LILRB1: variants seen among roughly 807,000 people sequenced by gnomAD.
LILRB1 encodes the protein leukocyte immunoglobulin-like receptor subfamily B member 1.
LILRB1 carries 59 observed loss-of-function variants against 74.6 expected under a neutral mutation model. That is an observed-to-expected ratio of 0.79 (90% CI 0.64 to 0.98). The LOEUF is 0.98. Among genes scored for constraint, LILRB1 ranks in the 50% least tolerant of loss-of-function variants. The pLI is 0.00. For synonymous variants in LILRB1, 328 were observed against 333.9 expected (o/e 0.98, Z 0.19); for missense variants, 804 against 822.6 (o/e 0.98, Z 0.28).
chr19:54,633,930 A>T, intron 8 of LILRB1, 41 bp from the exon 9 acceptor site: 1 of 1,564,464 alleles, frequency 6.4e-7, no homozygotes. Context: ...TGATGTGGGG[A>T]GCAGGGCAGC....
intron 1 of LILRB1, among the ~76,000 whole-genome samples, chr19:54,624,723 T>C (rs2555694): frequency 2.4e-3 from 366 of 152,236 alleles, no homozygotes; most frequent in Non-Finnish European, 3.4e-3. Context: ...GACTGGGTTT[T>C]GGCTGCTCCG....
At chr19:54,636,349 C>A (rs894927236) in intron 13 of LILRB1, 145 bp from the exon 14 acceptor site, 4 of 1,443,832 alleles carry the variant, frequency 2.8e-6, no homozygotes, top group Non-Finnish European at 2.8e-6. Flanking sequence ...AGCGAGGGAG[C>A]GGCCAGACCC....
At chr19:54,626,918 G>A (rs7257443), upstream of LILRB1, among the ~76,000 whole-genome samples, 1,134 of 152,318 alleles carry the variant, frequency 7.4e-3, 21 homozygotes, top group African/African-American at 0.025. Context: ...TCACACTCAC[G>A]TGCTAGAGAT....
intron 7 of LILRB1, 149 bp downstream of exon 7, chr19:54,633,467 G>A: frequency 7.9e-7 from 1 of 1,258,240 alleles, no homozygotes; most frequent in Non-Finnish European, 1.1e-6. Flanking sequence ...AGGAGAACAG[G>A]GCCCTCCCAG....
chr19:54,616,491 C>G (rs1050125837), upstream of LILRB1, among the ~76,000 whole-genome samples: 9 of 152,144 alleles, frequency 5.9e-5, no homozygotes, highest in Non-Finnish European at 1.2e-4. Flanking sequence ...CAACCTGGAG[C>G]TAAGGTACCA....
chr19:54,620,685 C>A (rs2063432748), intron 1 of LILRB1, among the ~76,000 whole-genome samples: 1 of 152,096 alleles, frequency 6.6e-6, no homozygotes, highest in Non-Finnish European at 1.5e-5. Flanking sequence ...ACACCAAGTG[C>A]AGCATCCCAG....
At position 54,637,603 on chromosome 19, in the gene LILRB1, C is replaced by T. The variant is rs934700190; in HGVS notation, c.*725C>T. The T allele has an allele frequency of 6.1e-5, 9 of 146,886 alleles. No individual in the cohort carries two copies. The highest frequency in any genetic ancestry group is 2.7e-4 in the Admixed American group (4 of 14,802). 9.1% of individuals were successfully genotyped at this position (146,886 alleles called of 1,614,324 possible). On this transcript the variant is annotated 3_prime_UTR_variant, in exon 15 of 15. Coordinates refer to ENST00000324602, the MANE Select transcript of LILRB1 (RefSeq NM_001081637.3). ...AATAACAAGTTATTCCAAATGAAGG[C>T]GTAAGAAAGGGAATAATAACAATAA...
upstream of LILRB1, among the ~76,000 whole-genome samples, chr19:54,629,378 C>T (rs1228949706): frequency 1.3e-5 from 2 of 152,034 alleles, no homozygotes; most frequent in Non-Finnish European, 2.9e-5. Flanking sequence ...GTTAAAGCTT[C>T]GGGTAGAACA....
Position 54,631,276 on chromosome 19 carries a change from A to C in LILRB1, c.40A>C (p.Ser14Arg), listed in dbSNP as rs768738272. 6.2e-7 allele frequency: 1 copy of C among 1,613,492 alleles called. No individual in the cohort carries two copies. Among genetic ancestry groups the C allele is most frequent in the Non-Finnish European group, 8.5e-7 (1 of 1,179,918 alleles). ...ILTVLICLGLSLGPRTHVQAG... is the reference protein window; with the variant it reads ...ILTVLICLGLRLGPRTHVQAG... ...CACCGGGAACTCTCTTCCAGGGCTG[A>C]GTCTGGGCCCCCGGACCCACGTGCA... Residue 14 changes from serine to arginine, a missense_variant, in exon 3 of 15, where the codon AGT becomes CGT. By Grantham distance (110) the Ser-to-Arg change is moderately radical (BLOSUM62 -1). Transcript: ENST00000324602.
At chr19:54,627,269 A>C (rs921702297), upstream of LILRB1, among the ~76,000 whole-genome samples, 7 of 152,198 alleles carry the variant, frequency 4.6e-5, no homozygotes, top group African/African-American at 1.7e-4. Flanking sequence ...TTTGCTAAAG[A>C]GGTAGAAACA....
upstream of LILRB1, among the ~76,000 whole-genome samples, chr19:54,629,542 T>C (rs977927433): frequency 6.6e-6 from 1 of 152,182 alleles, no homozygotes; most frequent in Non-Finnish European, 1.5e-5. Context: ...GTTTAGTGCT[T>C]CTTTCTTTGG....
chr19:54,631,384 G>A (rs1480351801), intron 3 of LILRB1, 78 bp downstream of exon 3: 3 of 1,613,276 alleles, frequency 1.9e-6, no homozygotes, highest in African/African-American at 2.7e-5. Flanking sequence ...CTGGGGATGG[G>A]GAATAGCAGT....
intron 1 of LILRB1, among the ~76,000 whole-genome samples, chr19:54,620,437 C>A (rs747417653): frequency 6.6e-6 from 1 of 152,006 alleles, no homozygotes; most frequent in Non-Finnish European, 1.5e-5. Context: ...CGGCTCACTG[C>A]AAGCTCTGCC....
chr19:54,635,592 G>A lies in LILRB1; in HGVS notation c.1636G>A (p.Val546Met). 6.2e-7 allele frequency: 1 copy of A among 1,614,034 alleles called. No homozygotes were observed. Among genetic ancestry groups the A allele is most frequent in the Non-Finnish European group, 8.5e-7 (1 of 1,179,980 alleles). Residue 546 changes from valine (V) to methionine (M), a missense_variant, in exon 13 of 15, where the codon GTG becomes ATG. Transcript: ENST00000324602. ...GAAGCACACACAGCCTGAGGATGGG[G>A]TGGAGATGGACACTCGGGTGAGACC... ...AVKHTQPEDGVEMDTRQSPHD... is the reference protein window; with the variant it reads ...AVKHTQPEDGMEMDTRQSPHD...
chr19:54,628,039 C>T (rs183859268), upstream of LILRB1, among the ~76,000 whole-genome samples: 4 of 152,318 alleles, frequency 2.6e-5, no homozygotes, highest in African/African-American at 9.6e-5. Context: ...GACACGTCCA[C>T]CCTACTGCTC....
At position 54,636,933 on chromosome 19, in the gene LILRB1, G is replaced by GC. The variant is rs1409286387; in HGVS notation, c.*62dup. On this transcript the variant is annotated 3_prime_UTR_variant, in exon 15 of 15. Transcript: ENST00000324602. ...ATGGAGTCTGGAATGCATGGGAGCT[G>GC]CCCCCCCAGTGGACACCATTGGACC... 1.4e-5 allele frequency: 22 copies of GC among 1,607,200 alleles called. No individual in the cohort carries two copies. The highest frequency in any genetic ancestry group is 3.3e-5 in the South Asian group (3 of 90,046).
chr19:54,636,640 G>C lies in LILRB1; in HGVS notation c.1800G>C (p.Gln600His). Residue 600 changes from glutamine (Q) to histidine (H), a missense_variant, in exon 14 of 15, where the codon CAG (glutamine) becomes CAC (histidine). By Grantham distance (24) the Gln-to-His change is conservative. Transcript: ENST00000324602. ...TKDRQAEEDR[Q>H]MDTEAAASEA... ...ACAGACAGGCGGAAGAGGACAGGCA[G>C]ATGGACACTGAGGTGAGTCCTTTCC... is the stretch of plus-strand genomic sequence containing the variant. 1 of 1,611,040 alleles carries C rather than the reference G, an allele frequency of 6.2e-7. No individual in the cohort carries two copies. Among genetic ancestry groups the C allele is most frequent in the Non-Finnish European group, 8.5e-7 (1 of 1,179,048 alleles).
At chr19:54,631,140 C>T (rs1229266224) in intron 2 of LILRB1, 33 bp downstream of exon 2, 3 of 1,613,932 alleles carry the variant, frequency 1.9e-6, no homozygotes, top group Non-Finnish European at 2.5e-6. Flanking sequence ...AGCTTCTAAC[C>T]TAAGAGGGAC....
chr19:54,629,845 ATC>A (rs535825831), upstream of LILRB1, among the ~76,000 whole-genome samples: 5 of 136,840 alleles, frequency 3.7e-5, no homozygotes, highest in South Asian at 1.2e-3. Context: ...GAACTTCCAC[ATC>A]TCTTTTTCTG....
Sources: gnomAD v4.1 joint callset for allele counts (sites outside exome capture counted in the v4.1 genomes callset) on GRCh38, gnomAD v4.1.1 for gene constraint, MANE v1.5 for transcripts, NCBI Gene and HGNC (gene_info 2026-07-23, HGNC 2026-07-21) for gene names.